The following PXDNL variants were observed in gnomAD, a reference collection of about 807,000 sequenced individuals.
PXDNL encodes probable oxidoreductase PXDNL.
In PXDNL, 145 loss-of-function variants were observed where a neutral mutation model predicts 150.8. The observed-to-expected ratio is 0.96, with a 90% CI of 0.84 to 1.10. PXDNL has a LOEUF of 1.10. PXDNL is among the 50% of genes least tolerant of loss of function. The probability of loss-of-function intolerance (pLI) is 0.00; values close to 1 mark genes in which losing one functional copy is unlikely to be tolerated. For missense variants in PXDNL, 2,087 were observed against 1,873.9 expected, an observed-to-expected ratio of 1.11 and a Z score of -2.10; for synonymous variants, 757 against 725.7, an observed-to-expected ratio of 1.04 and a Z score of -0.69.
chr8:51,529,199 TTGGGGATTA>T (rs1470868297), intron 4 of PXDNL, among the ~76,000 whole-genome samples: 1 of 152,186 alleles, frequency 6.6e-6, no homozygotes, highest in African/African-American at 2.4e-5. Flanking sequence ...TTGTCAGAGT[TTGGGGATTA>T]TGGGCATTTT....
intron 19 of PXDNL, among the ~76,000 whole-genome samples, chr8:51,352,445 A>G (rs1477702054): frequency 6.6e-6 from 1 of 152,104 alleles, no homozygotes; most frequent in Non-Finnish European, 1.5e-5. Context: ...TAAGCCCCAC[A>G]TGTCCAGGGA....
At chr8:51,792,709 T>G (rs200443360) in intron 1 of PXDNL, among the ~76,000 whole-genome samples, 1 of 152,146 alleles carries the variant, frequency 6.6e-6, no homozygotes, top group Non-Finnish European at 1.5e-5. Flanking sequence ...ATAATGGCTG[T>G]GGTACATTGT....
chr8:51,370,315 T>C (rs949701808), intron 19 of PXDNL, among the ~76,000 whole-genome samples: 2 of 152,136 alleles, frequency 1.3e-5, no homozygotes, highest in East Asian at 1.9e-4. Flanking sequence ...GCTCTGGTCA[T>C]CACAGCCCAC....
intron 14 of PXDNL, among the ~76,000 whole-genome samples, chr8:51,419,926 T>C (rs1808903485): frequency 6.6e-6 from 1 of 152,212 alleles, no homozygotes; most frequent in Admixed American, 6.5e-5. Flanking sequence ...TTACAGGTTA[T>C]TTATGTAAAC....
intron 2 of PXDNL, among the ~76,000 whole-genome samples, chr8:51,633,427 T>G (rs1426897159): frequency 6.6e-6 from 1 of 152,216 alleles, no homozygotes; most frequent in Non-Finnish European, 1.5e-5. Context: ...ATGAGATTGC[T>G]GGGTCGAATG....
intron 1 of PXDNL, among the ~76,000 whole-genome samples, chr8:51,791,277 C>T (rs899077478): frequency 3.3e-5 from 5 of 152,170 alleles, no homozygotes; most frequent in Non-Finnish European, 7.3e-5. Context: ...AGAGAAAGAC[C>T]GGTAGATCAT....
In PXDNL at chr8:51,578,044, AGG is replaced by A. The variant is rs1491587927; in HGVS notation, c.308+14581_308+14582del. On this transcript the variant is annotated intron_variant, in intron 3 of 22. Coordinates refer to ENST00000356297, the MANE Select transcript of PXDNL (RefSeq NM_144651.5). ...AAGGAAGGAAGGAAGGAAGGAAGGA[AGG>A]AAGGAAAGAAAGAAAGGAAAGAAAG... Among the ~76,000 whole-genome samples the A allele has an allele frequency of 2.2e-4, 31 of 143,554 alleles. 1 individual carries two copies. The highest frequency in any genetic ancestry group is 8.5e-4 in the African/African-American group (31 of 36,580). The allele number at this position is 143,554 out of a possible 152,430, so 94.2% of individuals were successfully genotyped here.
rs60306153 is a variant in PXDNL at position 51,660,724 on chromosome 8, T to A, written c.165-5964A>T. On this transcript the variant is annotated intron_variant, in intron 1 of 22. Transcript: ENST00000356297. The stretch of plus-strand genomic sequence containing the variant: ...AGAAAGAAAGGCAAACAGGTTCCTG[T>A]CTCCCTGAGCTACCATGAAGGGCAG... 2.5e-3 allele frequency among the ~76,000 whole-genome samples: 381 copies of A among 152,246 alleles called. 1 individual carries two copies. Among genetic ancestry groups the A allele is most frequent in the African/African-American group, 8.7e-3 (363 of 41,556 alleles).
At chr8:51,582,662 T>C (rs918441600) in intron 3 of PXDNL, among the ~76,000 whole-genome samples, 10 of 152,170 alleles carry the variant, frequency 6.6e-5, no homozygotes, top group African/African-American at 1.4e-4. Flanking sequence ...TTTGAGCAGA[T>C]AGAATGTAAA....
At chr8:51,651,196 C>T (rs749114459) in intron 2 of PXDNL, among the ~76,000 whole-genome samples, 4 of 152,118 alleles carry the variant, frequency 2.6e-5, no homozygotes, top group Non-Finnish European at 5.9e-5. Context: ...ACAAACTGCA[C>T]CTGTATCTAT....
At position 51,785,245 on chromosome 8, in the gene PXDNL, C is replaced by CA. The variant is rs1034422032; in HGVS notation, c.164+23935dup. 2.8e-3 allele frequency among the ~76,000 whole-genome samples: 392 copies of CA among 139,352 alleles called. 1 individual carries two copies. The highest frequency in any genetic ancestry group is 7.5e-3 in the African/African-American group (284 of 37,896). 91.4% of individuals were successfully genotyped at this position (139,352 alleles called of 152,430 possible). On this transcript the variant is annotated intron_variant, in intron 1 of 22. Transcript: ENST00000356297. Reference sequence around the variant, plus strand: ...TACAATGCTGGTTGTTTGTACCTGCCAAAAAAAAAAACTTGAATGAAATGA... The same window carrying CA: ...TACAATGCTGGTTGTTTGTACCTGCCAAAAAAAAAAAACTTGAATGAAATGA...
At chr8:51,658,232 C>T (rs1026383654) in intron 1 of PXDNL, among the ~76,000 whole-genome samples, 12 of 151,296 alleles carry the variant, frequency 7.9e-5, no homozygotes, top group Admixed American at 6.6e-4. Context: ...GTTGTAGCTA[C>T]TCAGGAGGTC....
chr8:51,385,290 C>A (rs1807665079), intron 17 of PXDNL, among the ~76,000 whole-genome samples: 1 of 151,652 alleles, frequency 6.6e-6, no homozygotes, highest in South Asian at 2.1e-4. Flanking sequence ...CCAGGTGAGA[C>A]TCCCTACATC....
intron 1 of PXDNL, among the ~76,000 whole-genome samples, chr8:51,755,586 T>C (rs1001033113): frequency 6.6e-6 from 1 of 152,222 alleles, no homozygotes; most frequent in Admixed American, 6.5e-5. Context: ...GCCGCCATGC[T>C]CGGCCTATTA....
Position 51,453,908 on chromosome 8 carries a change from C to CACACAT in PXDNL, c.983-124_983-123insATGTGT, listed in dbSNP as rs1554541980. The CACACAT allele has an allele frequency of 2.3e-4, 184 of 783,436 alleles. 3 individuals are homozygous for CACACAT. In the African/African-American group the frequency reaches 3.0e-3, roughly 13 times the overall value. The allele number at this position is 783,436 out of a possible 1,614,324, so 48.5% of individuals were successfully genotyped here. A position where few individuals can be genotyped will look rare whatever the true frequency, so the allele number is the denominator to read the frequency against. Reference sequence around the variant, plus strand: ...AATTCCTTTAAACTAAAATATTACACATATATATATATACACATTTAATTC... The same window carrying CACACAT: ...AATTCCTTTAAACTAAAATATTACACACACATATATATATATATACACATTTAATTC... On this transcript the variant is annotated intron_variant, in intron 9 of 22. Coordinates refer to ENST00000356297, the MANE Select transcript of PXDNL (RefSeq NM_144651.5).
At chr8:51,627,706 A>T (rs1814393196) in intron 2 of PXDNL, among the ~76,000 whole-genome samples, 6 of 152,206 alleles carry the variant, frequency 3.9e-5, no homozygotes, top group Admixed American at 3.9e-4. Context: ...AAGACAGCTT[A>T]TAAATTGTAA....
chr8:51,721,580 A>G (rs1816729769), intron 1 of PXDNL: 2 of 292,010 alleles, frequency 6.8e-6, no homozygotes, highest in East Asian at 1.7e-4. Context: ...ACATGTATAC[A>G]TATGTAACAA....
chr8:51,499,727 A>C lies in PXDNL; in HGVS notation c.424T>G (p.Phe142Val). The C allele has an allele frequency of 6.2e-7, 1 of 1,613,638 alleles. No individual in the cohort carries two copies. The highest frequency in any genetic ancestry group is 8.5e-7 in the Non-Finnish European group (1 of 1,179,584). Residue 142 changes from phenylalanine to valine, a missense_variant, in exon 5 of 23, where the codon TTT becomes GTT. Coordinates refer to ENST00000356297, the MANE Select transcript of PXDNL (RefSeq NM_144651.5). The stretch of plus-strand genomic sequence containing the variant: ...CGCTCTAATCTCAGAAGGTCTCCAA[A>C]GGTCTCTGGCTGTAGCATTTCTAGT... ...NQLEMLQPETFGDLLRLERLF... is the reference protein window; with the variant it reads ...NQLEMLQPETVGDLLRLERLF...
chr8:51,699,214 G>C (rs115828499), intron 1 of PXDNL, among the ~76,000 whole-genome samples: 1,598 of 152,328 alleles, frequency 0.01, 24 homozygotes, highest in African/African-American at 0.032. Context: ...GAAAGTCCTA[G>C]ATGGTATTTT....
Sources: gnomAD v4.1 joint callset for allele counts (sites outside exome capture counted in the v4.1 genomes callset) on GRCh38, gnomAD v4.1.1 for gene constraint, MANE v1.5 for transcripts, NCBI Gene and HGNC (gene_info 2026-07-23, HGNC 2026-07-21) for gene names.